ULK2: variants seen among roughly 807,000 people sequenced by gnomAD.
ULK2 encodes unc-51 like autophagy activating kinase 2.
ULK2 carries 76 observed loss-of-function variants against 127.5 expected under a neutral mutation model. The observed-to-expected ratio is 0.60, with a 90% CI of 0.50 to 0.72. The LOEUF (loss-of-function observed/expected upper bound fraction) is 0.72. Among genes scored for constraint, ULK2 ranks in the 30% least tolerant of loss-of-function variants. The pLI, the probability that ULK2 is intolerant of heterozygous loss-of-function variation, is 0.00. For missense variants in ULK2, 1,144 were observed against 1,295.9 expected, an observed-to-expected ratio of 0.88 and a Z score of 1.80; for synonymous variants, 452 against 461.9, an observed-to-expected ratio of 0.98 and a Z score of 0.28.
intron 10 of ULK2, among the ~76,000 whole-genome samples, chr17:19,831,027 T>TAA (rs10658733): frequency 0.89 from 121,301 of 136,814 alleles, 54,338 homozygotes; most frequent in Non-Finnish European, 0.96. Context: ...ACTCCGTCGC[T>TAA]AAAAAAAAAA....
At chr17:19,852,481 T>C (rs1005585730) in intron 3 of ULK2, among the ~76,000 whole-genome samples, 7 of 137,244 alleles carry the variant, frequency 5.1e-5, no homozygotes, top group African/African-American at 1.9e-4. Flanking sequence ...AGATCACCAC[T>C]GCACTCTAGC....
At chr17:19,797,325 T>G in intron 18 of ULK2, 71 bp downstream of exon 18, 1 of 1,443,954 alleles carries the variant, frequency 6.9e-7, no homozygotes, top group Admixed American at 2.4e-5. Context: ...ATTATAGCTA[T>G]TCTCATAATG....
rs139471106 is a variant in ULK2 at position 19,793,141 on chromosome 17, C to A, written c.2101+2481G>T. Among the ~76,000 whole-genome samples, 536 of 152,232 alleles carry A rather than the reference C, an allele frequency of 3.5e-3. 3 individuals carry two copies. Among genetic ancestry groups the A allele is most frequent in the African/African-American group, 0.012 (516 of 41,540 alleles). On this transcript the variant is annotated intron_variant, in intron 20 of 26. Transcript: ENST00000395544. ...AGGCAAAGGGGAAGCAAGGCACTTTCTTGACAAGGCAGCAGGAAGGAGAAA... is the reference window on the plus strand; with the variant it reads ...AGGCAAAGGGGAAGCAAGGCACTTTATTGACAAGGCAGCAGGAAGGAGAAA...
At chr17:19,859,586 A>G (rs551795627) in intron 3 of ULK2, among the ~76,000 whole-genome samples, 1 of 152,330 alleles carries the variant, frequency 6.6e-6, no homozygotes, top group African/African-American at 2.4e-5. Flanking sequence ...CAGGAACACT[A>G]TAAAAACACA....
intron 20 of ULK2, among the ~76,000 whole-genome samples, chr17:19,790,778 A>G (rs1192907741): frequency 6.6e-6 from 1 of 152,196 alleles, no homozygotes; most frequent in Admixed American, 6.5e-5. Context: ...CACTTCACCT[A>G]TAGAGACACA....
At chr17:19,776,910 AAAGT>A (rs1466188420) in intron 26 of ULK2, among the ~76,000 whole-genome samples, 1 of 152,228 alleles carries the variant, frequency 6.6e-6, no homozygotes, top group East Asian at 1.9e-4. Flanking sequence ...ACTTGCCAAC[AAAGT>A]AACACCGTGT....
chr17:19,824,088 G>A (rs2041228234), intron 12 of ULK2, among the ~76,000 whole-genome samples: 1 of 152,182 alleles, frequency 6.6e-6, no homozygotes, highest in South Asian at 2.1e-4. Context: ...CATGGAGGCT[G>A]CAAGCCCCAT....
intron 13 of ULK2, among the ~76,000 whole-genome samples, chr17:19,811,486 G>C (rs1320545516): frequency 4.6e-5 from 7 of 151,642 alleles, no homozygotes; most frequent in African/African-American, 2.4e-5. Context: ...CTGTCGCCCA[G>C]GCTGAAGTGC....
In ULK2 at chr17:19,796,260, G is replaced by A; in HGVS notation, c.1832C>T (p.Pro611Leu). ...CAGGTTGGAAGATGCTTGAGTTTTA[G>A]GGATTTTGAAAGGAGCTGTGGTCTA... ...PTKTTAPFKI[P>L]KTQASSNLLA... Residue 611 changes from proline (P) to leucine (L), a missense_variant, in exon 19 of 27, where the codon CCT becomes CTT. By Grantham distance (98) the Pro-to-Leu change is moderately conservative. This residue lies in a region of ULK2 where 913 missense variants were observed against 970.5 expected (regional missense o/e 0.94). Transcript: ENST00000395544. The A allele has an allele frequency of 1.2e-6, 2 of 1,610,142 alleles. No homozygotes were observed. The highest frequency in any genetic ancestry group is 2.7e-5 in the African/African-American group (2 of 73,422).
chr17:19,857,059 A>G (rs900934807), intron 3 of ULK2, among the ~76,000 whole-genome samples: 6 of 151,334 alleles, frequency 4.0e-5, no homozygotes, highest in Non-Finnish European at 5.9e-5. Context: ...TAATCCCAAC[A>G]CTTTGGGAGG....
chr17:19,847,218 A>G (rs2041905259), intron 5 of ULK2, among the ~76,000 whole-genome samples: 1 of 151,838 alleles, frequency 6.6e-6, no homozygotes, highest in South Asian at 2.1e-4. Context: ...CACCATATGT[A>G]CTCAATAAAT....
At chr17:19,814,440 T>TATATATATACACATATATA in intron 13 of ULK2, among the ~76,000 whole-genome samples, 1 of 7,076 alleles carries the variant, frequency 1.4e-4, no homozygotes, top group African/African-American at 3.8e-4. Context: ...ATATATATAT[T>TATATATATACACATATATA]TTTTTTTTTT....
rs62636613 is a variant in ULK2 at position 19,783,889 on chromosome 17, G to A, written c.2268C>T (p.Ser756=). 206 of 1,518,968 alleles carry A rather than the reference G, an allele frequency of 1.4e-4. 1 individual carries two copies. In the African/African-American group the frequency reaches 2.4e-3, roughly 18 times the overall value. 94.1% of individuals were successfully genotyped at this position (1,518,968 alleles called of 1,614,324 possible). A position where few individuals can be genotyped will look rare whatever the true frequency, so the allele number is the denominator to read the frequency against. Residue 756 remains serine (S), a synonymous_variant, in exon 22 of 27, where the codon TCC becomes TCT. Transcript: ENST00000395544. The stretch of plus-strand genomic sequence containing the variant: ...CACTCATGGCACAAAGAGAGCCCCC[G>A]GAGTTGCTGGGCCCCACTACAAGGA... ...TRTTSVGPSN[S]GGSLCAMSGR...
chr17:19,855,599 C>CAAAAAAAAA (rs72047415), intron 3 of ULK2: 2 of 33,554 alleles, frequency 6.0e-5, no homozygotes, highest in African/African-American at 8.7e-5. Flanking sequence ...GACTCCATCT[C>CAAAAAAAAA]AAAAAAAAAA....
At chr17:19,809,534 C>A (rs767645608) in intron 14 of ULK2, among the ~76,000 whole-genome samples, 36 of 151,716 alleles carry the variant, frequency 2.4e-4, no homozygotes, top group Non-Finnish European at 4.7e-4. Context: ...GAGTTTGAGA[C>A]CAGCCTGGCC....
chr17:19,863,700 G>A (rs1195365793), intron 3 of ULK2, among the ~76,000 whole-genome samples: 1 of 151,706 alleles, frequency 6.6e-6, no homozygotes, highest in Non-Finnish European at 1.5e-5. Context: ...AACATAATAT[G>A]GCCCTAAATA....
chr17:19,818,111 A>T (rs946398099), intron 12 of ULK2, among the ~76,000 whole-genome samples: 1 of 152,126 alleles, frequency 6.6e-6, no homozygotes, highest in Non-Finnish European at 1.5e-5. Flanking sequence ...TCACGAGGTC[A>T]GGAGATCGAG....
At chr17:19,804,283 C>T (rs1314981244) in intron 15 of ULK2, among the ~76,000 whole-genome samples, 11 of 151,754 alleles carry the variant, frequency 7.2e-5, no homozygotes, top group Non-Finnish European at 1.2e-4. Flanking sequence ...TTTTTGTGGA[C>T]TTGTACCTTT....
chr17:19,853,807 G>A (rs3098907), intron 3 of ULK2, among the ~76,000 whole-genome samples: 5,964 of 151,654 alleles, frequency 0.039, 307 homozygotes, highest in East Asian at 0.24. Flanking sequence ...TCCTGACCTC[G>A]TGATCCCCCC....
Sources: gnomAD v4.1 joint callset for allele counts (sites outside exome capture counted in the v4.1 genomes callset) on GRCh38, gnomAD v4.1.1 for gene constraint, gnomAD v4.1.1 regional missense constraint, MANE v1.5 for transcripts, NCBI Gene and HGNC (gene_info 2026-07-23, HGNC 2026-07-21) for gene names.